Variants in HYCC1 observed in about 807,000 individuals in gnomAD.
HYCC1 encodes hyccin PI4KA lipid kinase complex subunit 1, also known as hyccin.
the HYCC1 span, among the ~76,000 whole-genome samples, chr7:22,931,094 G>A: frequency 1.3e-5 from 2 of 151,972 alleles, no homozygotes; most frequent in Admixed American, 6.6e-5. Context: ...CTCTGCAAAT[G>A]AAATTAGTTA....
chr7:22,958,182 T>C, the HYCC1 span, among the ~76,000 whole-genome samples: 9 of 151,836 alleles, frequency 5.9e-5, no homozygotes, highest in Admixed American at 2.0e-4. Flanking sequence ...GGATGGAAAA[T>C]AGAAACCTTT....
chr7:22,945,797 G>T, the HYCC1 span: 1 of 1,613,776 alleles, frequency 6.2e-7, no homozygotes, highest in South Asian at 1.1e-5. Flanking sequence ...TTGTTCAAAG[G>T]ATTTACTAAA....
At chr7:22,980,503 G>GT in the HYCC1 span, among the ~76,000 whole-genome samples, 4 of 152,022 alleles carry the variant, frequency 2.6e-5, no homozygotes, top group African/African-American at 4.8e-5. Flanking sequence ...TAACAAGTCT[G>GT]TATCCTAAGA....
chr7:23,003,698 A>C, the HYCC1 span, among the ~76,000 whole-genome samples: 3 of 152,198 alleles, frequency 2.0e-5, no homozygotes, highest in Non-Finnish European at 4.4e-5. Context: ...TTGGGAGTTA[A>C]TGTCTTAGAG....
At chr7:22,897,338 A>C in the HYCC1 span, among the ~76,000 whole-genome samples, 1 of 152,184 alleles carries the variant, frequency 6.6e-6, no homozygotes, top group African/African-American at 2.4e-5. Context: ...GAGTTTTAGC[A>C]GAGGAGTTAC....
At chr7:22,957,368 C>A in the HYCC1 span, among the ~76,000 whole-genome samples, 45 of 148,844 alleles carry the variant, frequency 3.0e-4, no homozygotes, top group Middle Eastern at 3.5e-3. Context: ...CTCATTCACT[C>A]GTTTCCCTCT....
chr7:23,002,199 T>C, the HYCC1 span, among the ~76,000 whole-genome samples: 215 of 143,982 alleles, frequency 1.5e-3, 3 homozygotes, highest in African/African-American at 5.3e-3. Context: ...GGCTACAGCA[T>C]GTAATGAAAA....
the HYCC1 span, chr7:22,976,348 TAAG>T: frequency 7.0e-7 from 1 of 1,438,248 alleles, no homozygotes; most frequent in African/African-American, 1.4e-5. Context: ...TTTAGAATTC[TAAG>T]AAGTCAACTA....
the HYCC1 span, among the ~76,000 whole-genome samples, chr7:22,954,620 T>C: frequency 9.2e-5 from 14 of 151,556 alleles, no homozygotes. Context: ...ACTTTCTTTT[T>C]ATTTCAACTA....
chr7:22,966,567 C>T, the HYCC1 span, among the ~76,000 whole-genome samples: 1 of 152,270 alleles, frequency 6.6e-6, no homozygotes, highest in South Asian at 2.1e-4. Flanking sequence ...AAAATAGATG[C>T]TTTCACATAA....
At chr7:22,928,859 C>A in the HYCC1 span, among the ~76,000 whole-genome samples, 8 of 151,962 alleles carry the variant, frequency 5.3e-5, no homozygotes, top group Admixed American at 1.3e-4. Flanking sequence ...TCATAGGGAA[C>A]CAAAAAAGAG....
At chr7:22,952,807 C>T in the HYCC1 span, among the ~76,000 whole-genome samples, 1 of 151,856 alleles carries the variant, frequency 6.6e-6, no homozygotes, top group African/African-American at 2.4e-5. Context: ...AAAGCTATCA[C>T]AGAAACACAG....
chr7:22,913,898 C>T, the HYCC1 span, among the ~76,000 whole-genome samples: 1 of 152,210 alleles, frequency 6.6e-6, no homozygotes. Flanking sequence ...ACCCTCACTC[C>T]ATGAGGAGAT....
chr7:22,978,638 G>T, the HYCC1 span, among the ~76,000 whole-genome samples: 12 of 152,058 alleles, frequency 7.9e-5, no homozygotes, highest in African/African-American at 2.9e-4. Context: ...CTATATAAAG[G>T]ATTGACTATG....
chr7:22,973,041 A>G, the HYCC1 span, among the ~76,000 whole-genome samples: 1 of 152,218 alleles, frequency 6.6e-6, no homozygotes, highest in Admixed American at 6.5e-5. Context: ...TAGATGACCC[A>G]GTCAATCATT....
At chr7:22,905,120 A>G in the HYCC1 span, among the ~76,000 whole-genome samples, 1 of 152,184 alleles carries the variant, frequency 6.6e-6, no homozygotes, top group Admixed American at 6.5e-5. Flanking sequence ...AAGGGTTGGC[A>G]CTAAGCCATT....
chr7:22,909,530 G>A, the HYCC1 span, among the ~76,000 whole-genome samples: 2 of 152,118 alleles, frequency 1.3e-5, no homozygotes, highest in African/African-American at 4.8e-5. Flanking sequence ...GACTTTAATC[G>A]ATATCCCTTT....
the HYCC1 span, among the ~76,000 whole-genome samples, chr7:22,985,166 CA>C: frequency 6.6e-6 from 1 of 152,210 alleles, no homozygotes; most frequent in African/African-American, 2.4e-5. Context: ...ATTCCTAACT[CA>C]CTCTAAACAT....
the HYCC1 span, among the ~76,000 whole-genome samples, chr7:22,948,637 C>T: frequency 5.3e-5 from 8 of 152,058 alleles, no homozygotes; most frequent in Non-Finnish European, 1.2e-4. Context: ...TACCCAGCAG[C>T]AATATGCACT....
Sources: allele counts gnomAD v4.1 joint callset (sites outside exome capture counted in the v4.1 genomes callset), GRCh38; gene constraint gnomAD v4.1.1; transcripts MANE v1.5; gene names NCBI Gene and HGNC (gene_info 2026-07-23, HGNC 2026-07-21).